The following FGF14 variants were observed in gnomAD, a reference collection of about 807,000 sequenced individuals.
The protein encoded by FGF14 is fibroblast growth factor homologous factor 4.
Under a neutral mutation model 25.5 loss-of-function variants are expected in FGF14, and 5 were observed. That is an observed-to-expected ratio of 0.20 (90% CI 0.10 to 0.41). FGF14 has a LOEUF of 0.41. Ranked by LOEUF, FGF14 falls within the 10% of genes least tolerant of loss-of-function variation. The pLI is 1.00. For missense variants in FGF14, 222 were observed against 320.1 expected, an observed-to-expected ratio of 0.69 and a Z score of 2.34; for synonymous variants, 138 against 118.3, an observed-to-expected ratio of 1.17 and a Z score of -1.08.
chr13:102,368,376 G>T (rs2057778159), intron 1 of FGF14, among the ~76,000 whole-genome samples: 1 of 152,068 alleles, frequency 6.6e-6, no homozygotes, highest in South Asian at 2.1e-4. Context: ...TCACAGAATT[G>T]CTTTCAAAAT....
intron 1 of FGF14, among the ~76,000 whole-genome samples, chr13:102,342,346 T>G (rs965694197): frequency 1.8e-4 from 27 of 152,226 alleles, no homozygotes; most frequent in African/African-American, 6.5e-4. Context: ...TTGGAAATGC[T>G]TTGCATGGAC....
chr13:101,726,460 T>C, intron 4 of FGF14, 152 bp downstream of exon 4: 1 of 713,852 alleles, frequency 1.4e-6, no homozygotes, highest in Non-Finnish European at 2.3e-6. Context: ...ATCAATAACT[T>C]AAGTAGGCAC....
chr13:101,766,868 T>C (rs80097057), intron 3 of FGF14, among the ~76,000 whole-genome samples: 2,246 of 152,166 alleles, frequency 0.015, 53 homozygotes, highest in African/African-American at 0.05. Flanking sequence ...GCCAGGCACC[T>C]CCTGGGAATG....
Position 102,143,930 on chromosome 13 carries a change from TAC to T in FGF14, c.208+257539_208+257540del, listed in dbSNP as rs113379608. Among the ~76,000 whole-genome samples, 100 of 152,312 alleles carry T rather than the reference TAC, an allele frequency of 6.6e-4. 1 individual carries two copies. The highest frequency in any genetic ancestry group is 2.2e-3 in the African/African-American group (92 of 41,558). ...GTCCTCTAAGTTACCAATATTATTATACAGTTTCCTACAAAGTAGAAGTGGTC... is the reference window on the plus strand; with the variant it reads ...GTCCTCTAAGTTACCAATATTATTATAGTTTCCTACAAAGTAGAAGTGGTC... On this transcript the variant is annotated intron_variant, in intron 1 of 4. Transcript: ENST00000376131.
At position 102,364,956 on chromosome 13, in the gene FGF14, G is replaced by A. The variant is rs370831651; in HGVS notation, c.208+36515C>T. On this transcript the variant is annotated intron_variant, in intron 1 of 4. Transcript: ENST00000376131. ...CAGTCTGACCTGTTTCCCTAAGTGG[G>A]ATGCAGAGTTAGCCCAGTCCCAAGT... 3.3e-5 allele frequency among the ~76,000 whole-genome samples: 5 copies of A among 152,310 alleles called. No homozygotes were observed. The South Asian group carries it at 8.3e-4, about 25-fold the overall frequency.
At chr13:101,965,165 C>G (rs1316398042) in intron 1 of FGF14, among the ~76,000 whole-genome samples, 2 of 151,772 alleles carry the variant, frequency 1.3e-5, no homozygotes, top group African/African-American at 4.8e-5. Flanking sequence ...ATGAGAATTG[C>G]TTGAATCCAG....
At chr13:102,205,654 A>G (rs2049872855) in intron 1 of FGF14, among the ~76,000 whole-genome samples, 1 of 151,800 alleles carries the variant, frequency 6.6e-6, no homozygotes, top group Admixed American at 6.6e-5. Flanking sequence ...GAGATGCTAG[A>G]CTGGAGGGGT....
At chr13:102,198,077 C>T (rs767688460) in intron 1 of FGF14, among the ~76,000 whole-genome samples, 2 of 152,200 alleles carry the variant, frequency 1.3e-5, no homozygotes, top group South Asian at 2.1e-4. Flanking sequence ...TTCCCCTACC[C>T]GCCCTGGCGC....
chr13:101,905,729 G>C (rs886503654), intron 1 of FGF14, among the ~76,000 whole-genome samples: 7 of 152,074 alleles, frequency 4.6e-5, no homozygotes, highest in African/African-American at 1.4e-4. Flanking sequence ...GGAATGAACA[G>C]AGGGAATCTT....
At chr13:102,246,112 T>C (rs2051853941) in intron 1 of FGF14, among the ~76,000 whole-genome samples, 2 of 152,042 alleles carry the variant, frequency 1.3e-5, no homozygotes, top group South Asian at 4.1e-4. Flanking sequence ...TTCAAGTAAT[T>C]TAGCCAAGAT....
intron 1 of FGF14, 47 bp from the exon 2 acceptor site, chr13:101,875,343 A>G: frequency 8.0e-7 from 1 of 1,255,728 alleles, no homozygotes; most frequent in Non-Finnish European, 1.2e-6. Context: ...GTGTCACCAT[A>G]GTTTCCTTTA....
chr13:102,250,782 C>T (rs1273987881), intron 1 of FGF14, among the ~76,000 whole-genome samples: 1 of 152,166 alleles, frequency 6.6e-6, no homozygotes, highest in African/African-American at 2.4e-5. Flanking sequence ...TTGTTCTAGA[C>T]ATTTGGCATA....
At chr13:101,795,824 G>C (rs1174518385) in intron 3 of FGF14, among the ~76,000 whole-genome samples, 1 of 152,124 alleles carries the variant, frequency 6.6e-6, no homozygotes, top group Non-Finnish European at 1.5e-5. Context: ...ATGTAGCCAT[G>C]TTAATCCAAA....
intron 1 of FGF14, among the ~76,000 whole-genome samples, chr13:102,369,811 G>C (rs954670409): frequency 5.3e-5 from 8 of 152,108 alleles, no homozygotes; most frequent in African/African-American, 1.9e-4. Flanking sequence ...TTGTATATAA[G>C]GTGATACATT....
At chr13:101,922,615 T>C (rs2034079702) in intron 1 of FGF14, among the ~76,000 whole-genome samples, 1 of 152,284 alleles carries the variant, frequency 6.6e-6, no homozygotes, top group Admixed American at 6.5e-5. Flanking sequence ...CAGATAAATG[T>C]ATTTGTTAAA....
chr13:101,917,991 A>C (rs2033701443), upstream of FGF14, among the ~76,000 whole-genome samples: 1 of 152,008 alleles, frequency 6.6e-6, no homozygotes, highest in African/African-American at 2.4e-5. Flanking sequence ...CAGACAGGAC[A>C]CTCCAATTTG....
At chr13:101,950,401 G>C (rs1387894134) in intron 1 of FGF14, among the ~76,000 whole-genome samples, 2 of 152,194 alleles carry the variant, frequency 1.3e-5, no homozygotes, top group Non-Finnish European at 1.5e-5. Flanking sequence ...ACATGATTGT[G>C]TTGATTTGTG....
intron 1 of FGF14, among the ~76,000 whole-genome samples, chr13:102,166,612 G>A (rs1006198121): frequency 2.0e-5 from 3 of 152,116 alleles, no homozygotes; most frequent in African/African-American, 4.8e-5. Context: ...GTGTTTAAGC[G>A]CTTTCTGCCA....
chr13:101,786,557 G>C (rs557060962), intron 3 of FGF14, among the ~76,000 whole-genome samples: 11 of 152,144 alleles, frequency 7.2e-5, no homozygotes, highest in African/African-American at 2.6e-4. Flanking sequence ...ATCCTCCCCT[G>C]TATCCTCACA....
Sources: allele counts gnomAD v4.1 joint callset (sites outside exome capture counted in the v4.1 genomes callset), GRCh38; gene constraint gnomAD v4.1.1; transcripts MANE v1.5; gene names NCBI Gene and HGNC (gene_info 2026-07-23, HGNC 2026-07-21).